Variants in TASP1 observed in about 807,000 individuals in gnomAD.
TASP1 encodes the protein threonine aspartase 1.
Under a neutral mutation model 56.6 loss-of-function variants are expected in TASP1, and 16 were observed. The observed-to-expected ratio is 0.28, with a 90% confidence interval of 0.19 to 0.43. TASP1 has a LOEUF of 0.43. Among genes scored for constraint, TASP1 ranks in the 20% least tolerant of loss-of-function variants. The probability of loss-of-function intolerance (pLI) is 1.00; values close to 1 mark genes in which losing one functional copy is unlikely to be tolerated. For missense variants in TASP1, 393 were observed against 511.6 expected, an observed-to-expected ratio of 0.77 and a Z score of 2.24; for synonymous variants, 179 against 184.2, an observed-to-expected ratio of 0.97 and a Z score of 0.23.
the TASP1 span, among the ~76,000 whole-genome samples, chr20:13,323,160 C>CT: frequency 6.6e-6 from 1 of 152,158 alleles, no homozygotes; most frequent in African/African-American, 2.4e-5. Flanking sequence ...AACAGAGCTA[C>CT]AGTCCCCAAA....
chr20:13,188,273 G>A, the TASP1 span, among the ~76,000 whole-genome samples: 1 of 152,060 alleles, frequency 6.6e-6, no homozygotes, highest in Admixed American at 6.6e-5. Context: ...CTTGCTGATG[G>A]CATGATCTTA....
the TASP1 span, among the ~76,000 whole-genome samples, chr20:13,349,588 C>T: frequency 1.3e-5 from 2 of 152,060 alleles, no homozygotes; most frequent in Non-Finnish European, 2.9e-5. Context: ...ACCAGCATAT[C>T]CAGTTTTGTT....
chr20:13,390,487 G>T, intron 13 of TASP1, 35 bp from the exon 14 acceptor site: 1 of 1,595,084 alleles, frequency 6.3e-7, no homozygotes, highest in Non-Finnish European at 8.6e-7. Context: ...GCATCAGAGG[G>T]GTCAGCGGTG....
At chr20:13,586,056 AC>A (rs1373451404) in intron 5 of TASP1, among the ~76,000 whole-genome samples, 7 of 151,306 alleles carry the variant, frequency 4.6e-5, no homozygotes, top group African/African-American at 1.7e-4. Context: ...AATCAATTGA[AC>A]CCAGGAGGCA....
At chr20:13,245,701 T>C in the TASP1 span, among the ~76,000 whole-genome samples, 4 of 152,204 alleles carry the variant, frequency 2.6e-5, no homozygotes, top group Non-Finnish European at 5.9e-5. Flanking sequence ...ATTTCATTTC[T>C]CATTTCTCTC....
At chr20:13,528,095 C>T (rs781578449) in intron 10 of TASP1, among the ~76,000 whole-genome samples, 3 of 151,360 alleles carry the variant, frequency 2.0e-5, no homozygotes, top group South Asian at 2.1e-4. Flanking sequence ...TGGTGGTGCA[C>T]GCCTGTAATC....
At chr20:13,565,006 C>CAAAAAAAAAAAAAAAAA (rs758976806) in intron 7 of TASP1, among the ~76,000 whole-genome samples, 1 of 61,986 alleles carries the variant, frequency 1.6e-5, no homozygotes, top group South Asian at 4.8e-4. Context: ...GACTCCATCT[C>CAAAAAAAAAAAAAAAAA]AAAAAAAAAA....
At chr20:13,247,783 A>G in the TASP1 span, among the ~76,000 whole-genome samples, 1 of 152,188 alleles carries the variant, frequency 6.6e-6, no homozygotes, top group African/African-American at 2.4e-5. Flanking sequence ...GCTCAGATGT[A>G]TTGACATAAG....
intron 9 of TASP1, among the ~76,000 whole-genome samples, chr20:13,531,486 C>CTTTTTTTTTTT (rs148240627): frequency 1.4e-5 from 2 of 142,246 alleles, no homozygotes; most frequent in African/African-American, 2.6e-5. Context: ...ATTTCTTATC[C>CTTTTTTTTTTT]TTTTTTTTTT....
the TASP1 span, among the ~76,000 whole-genome samples, chr20:13,164,077 C>T: frequency 6.6e-6 from 1 of 152,076 alleles, no homozygotes; most frequent in African/African-American, 2.4e-5. Context: ...ACAACAGTCC[C>T]TGGTGTGTGA....
intron 11 of TASP1, among the ~76,000 whole-genome samples, chr20:13,476,650 T>G (rs2042960103): frequency 6.6e-6 from 1 of 152,208 alleles, no homozygotes. Flanking sequence ...CAGCAAAGTA[T>G]CTTGTATATG....
the TASP1 span, among the ~76,000 whole-genome samples, chr20:13,112,980 C>T: frequency 6.6e-6 from 1 of 152,026 alleles, no homozygotes; most frequent in Non-Finnish European, 1.5e-5. Context: ...GTTAGGAGTT[C>T]GAGACCAGCC....
intron 8 of TASP1, among the ~76,000 whole-genome samples, chr20:13,544,043 C>T (rs2045717484): frequency 6.6e-6 from 1 of 152,174 alleles, no homozygotes; most frequent in Admixed American, 6.6e-5. Context: ...AAAATCCACA[C>T]CCATTTCTCG....
At chr20:13,226,048 G>A in the TASP1 span, among the ~76,000 whole-genome samples, 3 of 152,244 alleles carry the variant, frequency 2.0e-5, no homozygotes, top group Non-Finnish European at 4.4e-5. Context: ...ATTTTTAGTA[G>A]TAAGTCAGAA....
At chr20:13,360,593 C>T in the TASP1 span, among the ~76,000 whole-genome samples, 6 of 152,092 alleles carry the variant, frequency 3.9e-5, no homozygotes, top group South Asian at 4.2e-4. Flanking sequence ...CTCATGTCTG[C>T]GTGCAGCAGC....
chr20:13,494,274 T>C (rs754761372), intron 10 of TASP1, among the ~76,000 whole-genome samples: 1 of 152,170 alleles, frequency 6.6e-6, no homozygotes, highest in South Asian at 2.1e-4. Context: ...TTTGAAAAAC[T>C]AAATGGCTTA....
At chr20:13,500,920 C>T (rs2043922489) in intron 10 of TASP1, among the ~76,000 whole-genome samples, 1 of 152,016 alleles carries the variant, frequency 6.6e-6, no homozygotes, top group Non-Finnish European at 1.5e-5. Context: ...AATGCAAATA[C>T]TATCACATTT....
At chr20:13,581,009 A>G in intron 5 of TASP1, 28 bp from the exon 6 acceptor site, 1 of 1,569,288 alleles carries the variant, frequency 6.4e-7, no homozygotes, top group Non-Finnish European at 8.7e-7. Context: ...AAATTGGCAA[A>G]AAAGATGTCA....
the TASP1 span, among the ~76,000 whole-genome samples, chr20:13,141,710 G>A: frequency 2.8e-4 from 42 of 152,296 alleles, no homozygotes; most frequent in African/African-American, 9.9e-4. Context: ...AGAGGCTGAG[G>A]GCATGGAGAG....
Sources: gnomAD v4.1 joint callset for allele counts (sites outside exome capture counted in the v4.1 genomes callset) on GRCh38, gnomAD v4.1.1 for gene constraint, MANE v1.5 for transcripts, NCBI Gene and HGNC (gene_info 2026-07-23, HGNC 2026-07-21) for gene names.